The following OPRM1 variants were observed in gnomAD, a reference collection of about 807,000 sequenced individuals.
OPRM1 encodes the protein mu-type opioid receptor.
Under a neutral mutation model 31.8 loss-of-function variants are expected in OPRM1, and 27 were observed. That is an observed-to-expected ratio of 0.85 (90% CI 0.63 to 1.17). The LOEUF (loss-of-function observed/expected upper bound fraction) is 1.17, where lower values mean the gene tolerates loss of function less well. Ranked by LOEUF, OPRM1 falls within the 50% of genes most tolerant of loss-of-function variation. The pLI, the probability that OPRM1 is intolerant of heterozygous loss-of-function variation, is 0.00. For missense variants in OPRM1, 536 were observed against 511.1 expected, an observed-to-expected ratio of 1.05 and a Z score of -0.47; for synonymous variants, 196 against 189.9, an observed-to-expected ratio of 1.03 and a Z score of -0.26.
intron 3 of OPRM1, among the ~76,000 whole-genome samples, chr6:154,154,285 T>C (rs560623841): frequency 6.6e-6 from 1 of 152,358 alleles, no homozygotes; most frequent in East Asian, 1.9e-4. Context: ...TTTAAGCAGC[T>C]TGTGTACCAC....
chr6:154,172,954 A>G (rs1799995541), intron 3 of OPRM1, among the ~76,000 whole-genome samples: 2 of 152,188 alleles, frequency 1.3e-5, no homozygotes. Context: ...TCTGGGGCAA[A>G]GCTTCCAGAG....
rs541785350 is a variant in OPRM1, at chr6:154,049,281, CACCAACAACAACAA to C, written c.290+9448_290+9461del. ...TTTTAAACAGTGAAGTCACCACCAC[CACCAACAACAACAA>C]CAAAAAAACACAGAAATGTGAAAAA... is the stretch of plus-strand genomic sequence containing the variant. On this transcript the variant is annotated intron_variant, in intron 1 of 3. Transcript: ENST00000330432. 7.2e-4 allele frequency among the ~76,000 whole-genome samples: 109 copies of C among 152,190 alleles called. 4 individuals carry two copies. In the East Asian group the frequency reaches 0.017, roughly 23 times the overall value.
chr6:154,221,232 G>A (rs1778839704), intron 3 of OPRM1: 2 of 1,581,450 alleles, frequency 1.3e-6, no homozygotes, highest in African/African-American at 1.3e-5. Flanking sequence ...ATTAAGGATG[G>A]GGTTTACCAG....
chr6:154,141,415 G>T (rs763819404), intron 3 of OPRM1, among the ~76,000 whole-genome samples: 3 of 152,160 alleles, frequency 2.0e-5, no homozygotes, highest in Non-Finnish European at 4.4e-5. Context: ...CTTGATGGGG[G>T]TGGGGCTGGT....
chr6:154,180,490 A>G (rs1800771490), intron 3 of OPRM1, among the ~76,000 whole-genome samples: 2 of 151,208 alleles, frequency 1.3e-5, no homozygotes, highest in African/African-American at 4.9e-5. Context: ...AACAGTTATA[A>G]GTTCACTCCT....
chr6:154,246,250 T>C (rs9383697), intron 3 of OPRM1, among the ~76,000 whole-genome samples: 41,429 of 151,966 alleles, frequency 0.27, 6,138 homozygotes, highest in Admixed American at 0.45. Flanking sequence ...AAAGGTGCCA[T>C]GTTAAGTGAT....
intron 3 of OPRM1, among the ~76,000 whole-genome samples, chr6:154,104,251 G>C (rs933126089): frequency 1.3e-5 from 2 of 152,142 alleles, no homozygotes; most frequent in Non-Finnish European, 2.9e-5. Context: ...ATGATATCTG[G>C]AAGATTAATA....
At chr6:154,181,033 C>T (rs1432895389) in intron 3 of OPRM1, among the ~76,000 whole-genome samples, 1 of 151,992 alleles carries the variant, frequency 6.6e-6, no homozygotes, top group African/African-American at 2.4e-5. Context: ...TATGCAAAAC[C>T]TTAAAAGGCT....
chr6:154,115,737 G>A (rs1796800337), intron 3 of OPRM1, among the ~76,000 whole-genome samples: 1 of 152,164 alleles, frequency 6.6e-6, no homozygotes, highest in South Asian at 2.1e-4. Flanking sequence ...TCTGCCCTGG[G>A]GCAGCAACCT....
At chr6:154,139,864 C>T (rs1248482284) in intron 3 of OPRM1, among the ~76,000 whole-genome samples, 1 of 152,088 alleles carries the variant, frequency 6.6e-6, no homozygotes, top group African/African-American at 2.4e-5. Flanking sequence ...GATCTGCAGA[C>T]CAAGATGACC....
At chr6:154,099,624 C>G (rs1794147206) in intron 3 of OPRM1, among the ~76,000 whole-genome samples, 1 of 142,236 alleles carries the variant, frequency 7.0e-6, no homozygotes, top group Non-Finnish European at 1.5e-5. Flanking sequence ...AAATAAAGAT[C>G]ATACACATAT....
At chr6:154,152,311 GA>G (rs756669815) in intron 3 of OPRM1, among the ~76,000 whole-genome samples, 1 of 77,920 alleles carries the variant, frequency 1.3e-5, no homozygotes, top group Non-Finnish European at 2.5e-5. Flanking sequence ...AAGAAAGAAA[GA>G]AAGAAAGAAA....
In OPRM1 at chr6:154,039,648, C is replaced by A. The variant is rs768405841; in HGVS notation, c.104C>A (p.Ser35Tyr). ...APSPGSWVNL[S>Y]HLDGNLSDPC... The stretch of plus-strand genomic sequence containing the variant: ...AGCCCCGGTTCCTGGGTCAACTTGT[C>A]CCACTTAGATGGCAACCTGTCCGAC... The change falls in exon 1 of 4, where the codon TCC becomes TAC. Residue 35 changes from serine (S) to tyrosine (Y), a missense_variant. Ser to Tyr is a moderately radical substitution (Grantham distance 144, BLOSUM62 -2). Coordinates refer to ENST00000330432, the MANE Select transcript of OPRM1 (RefSeq NM_000914.5). 1 of 1,613,858 alleles carries A rather than the reference C, an allele frequency of 6.2e-7. No homozygotes were observed.
chr6:154,056,747 C>T (rs976803417), intron 1 of OPRM1, among the ~76,000 whole-genome samples: 3 of 151,838 alleles, frequency 2.0e-5, no homozygotes, highest in East Asian at 1.9e-4. Flanking sequence ...GAGCTTTTTC[C>T]GGGGGAGTAT....
At chr6:154,239,155 C>T (rs950002699) in intron 3 of OPRM1, among the ~76,000 whole-genome samples, 2 of 151,938 alleles carry the variant, frequency 1.3e-5, no homozygotes, top group Non-Finnish European at 2.9e-5. Context: ...TCTCGGTGTT[C>T]CACAGTTAAT....
At chr6:154,055,928 C>T (rs547482296) in intron 1 of OPRM1, among the ~76,000 whole-genome samples, 1 of 152,102 alleles carries the variant, frequency 6.6e-6, no homozygotes, top group South Asian at 2.1e-4. Flanking sequence ...CTCCTTTGTC[C>T]CCAGCAGCAC....
rs77713172 is a variant in OPRM1 at position 154,127,791 on chromosome 6, T to C, written c.*9070T>C. 1.3e-5 allele frequency among the ~76,000 whole-genome samples: 2 copies of C among 152,242 alleles called. No homozygotes were observed. The highest frequency in any genetic ancestry group is 2.4e-5 in the African/African-American group (1 of 41,464). On this transcript the variant is annotated 3_prime_UTR_variant, in exon 4 of 4. Coordinates refer to ENST00000330432, the MANE Select transcript of OPRM1 (RefSeq NM_000914.5). ...CTGATTCCTAATGCCTGTTCCTGCC[T>C]CTGCAGGGGTTCATTCAGAAAACAG...
downstream of OPRM1, among the ~76,000 whole-genome samples, chr6:154,135,163 C>G (rs1162422507): frequency 6.6e-6 from 1 of 152,140 alleles, no homozygotes; most frequent in African/African-American, 2.4e-5. Flanking sequence ...GTCTATGTAC[C>G]CATCCTAAAG....
At chr6:154,098,127 C>T (rs922803046) in intron 3 of OPRM1, among the ~76,000 whole-genome samples, 1 of 152,168 alleles carries the variant, frequency 6.6e-6, no homozygotes, top group African/African-American at 2.4e-5. Flanking sequence ...ACTATTGACT[C>T]CAGTTAAATT....
Sources: allele counts gnomAD v4.1 joint callset (sites outside exome capture counted in the v4.1 genomes callset), GRCh38; gene constraint gnomAD v4.1.1; transcripts MANE v1.5; gene names NCBI Gene and HGNC (gene_info 2026-07-23, HGNC 2026-07-21).